Variants in ZC3H12C observed in about 807,000 individuals in gnomAD.
The protein encoded by ZC3H12C is probable ribonuclease ZC3H12C.
A neutral mutation model predicts 76.3 loss-of-function variants in ZC3H12C; 20 were observed. The observed-to-expected ratio is 0.26, with a 90% CI of 0.18 to 0.38. The LOEUF is 0.38. ZC3H12C is among the 10% of genes least tolerant of loss of function. ZC3H12C has a pLI of 1.00. For missense variants in ZC3H12C, 874 were observed against 1,086.5 expected, an observed-to-expected ratio of 0.80 and a Z score of 2.75; for synonymous variants, 352 against 399.6, an observed-to-expected ratio of 0.88 and a Z score of 1.42.
intron 2 of ZC3H12C, among the ~76,000 whole-genome samples, chr11:110,140,001 G>A (rs983400579): frequency 2.0e-5 from 3 of 150,874 alleles, no homozygotes; most frequent in Admixed American, 1.3e-4. Context: ...ATGACTTGTC[G>A]TTAAGAAAAT....
intron 2 of ZC3H12C, among the ~76,000 whole-genome samples, chr11:110,151,100 G>A (rs1452704283): frequency 6.6e-6 from 1 of 152,078 alleles, no homozygotes; most frequent in Non-Finnish European, 1.5e-5. Context: ...TTTGTGGAGA[G>A]GGAGGATAAT....
In ZC3H12C at chr11:110,170,980, T is replaced by G. The variant is rs1458417345; in HGVS notation, c.*5243T>G. The G allele has an allele frequency of 6.6e-6, 1 of 152,208 alleles. No individual in the cohort carries two copies. The highest frequency in any genetic ancestry group is 1.5e-5 in the Non-Finnish European group (1 of 68,020). 9.4% of individuals were successfully genotyped at this position (152,208 alleles called of 1,614,324 possible). A position where few individuals can be genotyped will look rare whatever the true frequency, so the allele number is the denominator to read the frequency against. On this transcript the variant is annotated 3_prime_UTR_variant, in exon 6 of 6. Transcript: ENST00000278590. ...AGATCCTTAGTCTTTTAAAGACAAT[T>G]TAAGGTATTGGCCATTTGGCAGTAG...
intron 2 of ZC3H12C, among the ~76,000 whole-genome samples, chr11:110,144,317 G>C (rs114873664): frequency 6.6e-6 from 1 of 152,168 alleles, no homozygotes; most frequent in Non-Finnish European, 1.5e-5. Context: ...CGAAGACTTC[G>C]ATATGCCACG....
chr11:110,163,493 G>A, intron 5 of ZC3H12C, 114 bp downstream of exon 5: 3 of 717,084 alleles, frequency 4.2e-6, no homozygotes, highest in Non-Finnish European at 4.3e-6. Context: ...GCAGTTCTTT[G>A]GATTCCAGAT....
At chr11:110,096,554 A>G (rs943738313) in intron 1 of ZC3H12C, among the ~76,000 whole-genome samples, 2 of 152,222 alleles carry the variant, frequency 1.3e-5, no homozygotes, top group Non-Finnish European at 2.9e-5. Flanking sequence ...CCAAAGTCAT[A>G]TAGCTAGTAA....
intron 3 of ZC3H12C, among the ~76,000 whole-genome samples, chr11:110,157,927 G>A (rs2096623739): frequency 6.6e-6 from 1 of 152,134 alleles, no homozygotes; most frequent in African/African-American, 2.4e-5. Context: ...ATACCAGGAA[G>A]GTATGTAATA....
At chr11:110,148,235 G>A (rs1862206386) in intron 2 of ZC3H12C, among the ~76,000 whole-genome samples, 1 of 152,172 alleles carries the variant, frequency 6.6e-6, no homozygotes, top group Non-Finnish European at 1.5e-5. Context: ...GAGAATTCCT[G>A]TAAATACATC....
At chr11:110,160,624 C>G (rs1348322775) in intron 4 of ZC3H12C, among the ~76,000 whole-genome samples, 2 of 152,032 alleles carry the variant, frequency 1.3e-5, no homozygotes, top group East Asian at 3.9e-4. Context: ...CATATTGTTC[C>G]CCTGGAAAGT....
chr11:110,159,424 A>T lies in ZC3H12C; in HGVS notation c.1082A>T (p.Asn361Ile), dbSNP rs765067151. 3.7e-6 allele frequency: 6 copies of T among 1,613,904 alleles called. No individual in the cohort carries two copies. In the South Asian group the frequency reaches 6.6e-5, roughly 18 times the overall value. The change falls in exon 4 of 6, where the codon AAT (asparagine) becomes ATT (isoleucine). Residue 361 changes from asparagine to isoleucine, a missense_variant. By Grantham distance (149) the Asn-to-Ile change is moderately radical. Around this residue, in one of 3 missense-constraint regions of ZC3H12C, gnomAD observed 269 missense variants for 424.9 expected, o/e 0.63. Transcript: ENST00000278590. ...VSNDNYRDLA[N>I]EKPEWKKFID... ...AATGATAACTACAGGGACTTGGCTAATGAGAAGCCAGAATGGAAGAAGTTC... is the reference window on the plus strand; with the variant it reads ...AATGATAACTACAGGGACTTGGCTATTGAGAAGCCAGAATGGAAGAAGTTC...
intron 1 of ZC3H12C, among the ~76,000 whole-genome samples, chr11:110,096,661 T>C (rs948934451): frequency 1.3e-5 from 2 of 152,234 alleles, no homozygotes; most frequent in Non-Finnish European, 2.9e-5. Flanking sequence ...TGTTTTTAGT[T>C]TGTTCTCTAA....
At chr11:110,132,982 T>A (rs1016121341) in intron 1 of ZC3H12C, among the ~76,000 whole-genome samples, 3 of 152,206 alleles carry the variant, frequency 2.0e-5, no homozygotes, top group Non-Finnish European at 2.9e-5. Context: ...ATAAAGATTA[T>A]ATACCATTCT....
Position 110,164,754 on chromosome 11 carries a change from G to C in ZC3H12C, c.1669G>C (p.Gly557Arg), listed in dbSNP as rs1565270580. The change falls in exon 6 of 6, where the codon GGA becomes CGA. Residue 557 changes from glycine (G) to arginine (R), a missense_variant. Physicochemically the swap from Gly to Arg is moderately radical, Grantham distance 125 (BLOSUM62 -2). Transcript: ENST00000278590. This position sits in a 1 kb window ranked among gnomAD's most constrained non-coding sequence, Gnocchi z 5.7. Reference protein sequence around the residue: ...HFPPQDQRPQGQYPSMMMATK... With the variant: ...HFPPQDQRPQRQYPSMMMATK... ...CCCACCTCAGGATCAAAGACCACAG[G>C]GACAATATCCTTCAATGATGATGGC... 2 of 1,613,894 alleles carry C rather than the reference G, an allele frequency of 1.2e-6. No individual in the cohort carries two copies. The highest frequency in any genetic ancestry group is 1.7e-6 in the Non-Finnish European group (2 of 1,179,856).
At chr11:110,149,739 C>T (rs572608232) in intron 2 of ZC3H12C, among the ~76,000 whole-genome samples, 1 of 152,236 alleles carries the variant, frequency 6.6e-6, no homozygotes, top group Admixed American at 6.5e-5. Flanking sequence ...AACTGGCTAC[C>T]TCTTTTAATA....
At chr11:110,163,154 C>T in intron 4 of ZC3H12C, 119 bp from the exon 5 acceptor site, 1 of 724,350 alleles carries the variant, frequency 1.4e-6, no homozygotes, top group Non-Finnish European at 2.2e-6. Context: ...GGAATCAAAA[C>T]ACTTGGATTA....
At chr11:110,118,172 A>C (rs910627969) in intron 1 of ZC3H12C, among the ~76,000 whole-genome samples, 1 of 150,810 alleles carries the variant, frequency 6.6e-6, no homozygotes, top group African/African-American at 2.4e-5. Context: ...CATTCCCATT[A>C]ATATCAGAAA....
In ZC3H12C at chr11:110,136,740, C is replaced by T; in HGVS notation, c.99C>T (p.Gly33=). The change falls in exon 2 of 6, where the codon GGC becomes GGT. Residue 33 remains glycine (G), a synonymous_variant. Coordinates refer to ENST00000278590, the MANE Select transcript of ZC3H12C (RefSeq NM_033390.2). ...VESSTRNNFM[G]LKDHLGHDLG... ...CAAGTACACGTAACAACTTCATGGG[C>T]TTGAAGGATCACCTAGGGCATGACC... 1 of 1,613,914 alleles carries T rather than the reference C, an allele frequency of 6.2e-7. No individual in the cohort carries two copies. The highest frequency in any genetic ancestry group is 8.5e-7 in the Non-Finnish European group (1 of 1,179,876).
At chr11:110,096,922 G>A (rs1409759341) in intron 1 of ZC3H12C, among the ~76,000 whole-genome samples, 1 of 152,206 alleles carries the variant, frequency 6.6e-6, no homozygotes, top group African/African-American at 2.4e-5. Flanking sequence ...TGTAACAGCA[G>A]TGTAGTTCAC....
At chr11:110,159,980 G>C (rs774330646) in intron 4 of ZC3H12C, among the ~76,000 whole-genome samples, 12 of 152,256 alleles carry the variant, frequency 7.9e-5, no homozygotes, top group Non-Finnish European at 1.0e-4. Flanking sequence ...ACACGCCTAG[G>C]CGATGTGGTA....
At chr11:110,157,199 A>C (rs1221997987) in intron 3 of ZC3H12C, among the ~76,000 whole-genome samples, 1 of 151,094 alleles carries the variant, frequency 6.6e-6, no homozygotes, top group African/African-American at 2.4e-5. Context: ...AAAAACAGAG[A>C]GATCAGCAGT....
Sources: allele counts gnomAD v4.1 joint callset (sites outside exome capture counted in the v4.1 genomes callset), GRCh38; gene constraint gnomAD v4.1.1; regional missense constraint gnomAD v4.1.1; non-coding constraint Gnocchi (gnomAD v3.1); transcripts MANE v1.5; gene names NCBI Gene and HGNC (gene_info 2026-07-23, HGNC 2026-07-21).